Variants in DYNC2H1 observed in about 807,000 individuals in gnomAD.
DYNC2H1 encodes the protein dynein cytoplasmic 2 heavy chain 1, also known as cytoplasmic dynein 2 heavy chain 1.
A neutral mutation model predicts 570.0 loss-of-function variants in DYNC2H1; 410 were observed. That is an observed-to-expected ratio of 0.72 (90% CI 0.66 to 0.78). The LOEUF (loss-of-function observed/expected upper bound fraction) is 0.78, where lower values mean the gene tolerates loss of function less well. Ranked by LOEUF, DYNC2H1 falls within the 30% of genes least tolerant of loss-of-function variation. DYNC2H1 has a pLI of 0.00. For missense variants in DYNC2H1, 4,865 were observed against 5,046.4 expected (o/e 0.96, Z 1.09); for synonymous variants, 1,688 against 1,677.6 (o/e 1.01, Z -0.15).
At chr11:103,349,787 A>C (rs1242307823) in intron 82 of DYNC2H1, among the ~76,000 whole-genome samples, 1 of 152,094 alleles carries the variant, frequency 6.6e-6, no homozygotes, top group Non-Finnish European at 1.5e-5. Context: ...TGATGATGTG[A>C]GTTCTTAACA....
chr11:103,252,300 T>C lies in DYNC2H1; in HGVS notation c.10043-985T>C, dbSNP rs1864865684. Among the ~76,000 whole-genome samples the C allele has an allele frequency of 2.0e-5, 3 of 152,128 alleles. No individual in the cohort carries two copies. Among genetic ancestry groups the C allele is most frequent in the Admixed American group, 1.3e-4 (2 of 15,252 alleles). ...GTTTCCATGTCTTGGCTGTTGTGAA[T>C]AATGCTGTGAAGAAATGGGAGTGCA... On this transcript the variant is annotated intron_variant, in intron 65 of 88. Coordinates refer to ENST00000375735, the MANE Select transcript of DYNC2H1 (RefSeq NM_001377.3). This position sits in a 1 kb window ranked among gnomAD's most constrained non-coding sequence, Gnocchi z 4.6.
In DYNC2H1 at chr11:103,244,712, T is replaced by C. The variant is rs1864542761; in HGVS notation, c.9919-539T>C. Among the ~76,000 whole-genome samples the C allele has an allele frequency of 6.7e-6, 1 of 148,224 alleles. No homozygotes were observed. On this transcript the variant is annotated intron_variant, in intron 64 of 88. Coordinates refer to ENST00000375735, the MANE Select transcript of DYNC2H1 (RefSeq NM_001377.3). This position sits in a 1 kb window ranked among gnomAD's most constrained non-coding sequence, Gnocchi z 4.3. ...TAGTTATATACATATATCACTATAC[T>C]ATATATCTTATATACATATAAGTAT...
At chr11:103,370,833 AG>A (rs1197515383) in intron 83 of DYNC2H1, among the ~76,000 whole-genome samples, 1 of 152,148 alleles carries the variant, frequency 6.6e-6, no homozygotes, top group Non-Finnish European at 1.5e-5. Flanking sequence ...ATATCTGGAA[AG>A]CCTTTCTAAG....
At chr11:103,344,069 T>G (rs1335191963) in intron 82 of DYNC2H1, among the ~76,000 whole-genome samples, 1 of 152,242 alleles carries the variant, frequency 6.6e-6, no homozygotes, top group African/African-American at 2.4e-5. Flanking sequence ...AGATAAACAC[T>G]GTGAAACTTT....
chr11:103,280,816 G>A lies in DYNC2H1; in HGVS notation c.10761+403G>A, dbSNP rs1866100379. Among the ~76,000 whole-genome samples the A allele has an allele frequency of 6.6e-6, 1 of 152,050 alleles. No individual in the cohort carries two copies. The highest frequency in any genetic ancestry group is 2.4e-5 in the African/African-American group (1 of 41,426). Reference sequence around the variant, plus strand: ...CAAGAGGCAGCAGGTGAGGCATGAAGATGGGCAGTTCTCAGAAGTTTTCCT... The same window carrying A: ...CAAGAGGCAGCAGGTGAGGCATGAAAATGGGCAGTTCTCAGAAGTTTTCCT... On this transcript the variant is annotated intron_variant, in intron 71 of 88. Coordinates refer to ENST00000375735, the MANE Select transcript of DYNC2H1 (RefSeq NM_001377.3). This position sits in a 1 kb window ranked among gnomAD's most constrained non-coding sequence, Gnocchi z 4.7.
rs533625275 is a variant in DYNC2H1, at chr11:103,325,724, T to G, written c.12039+1734T>G. Among the ~76,000 whole-genome samples the G allele has an allele frequency of 6.6e-6, 1 of 152,314 alleles. No homozygotes were observed. Among genetic ancestry groups the G allele is most frequent in the African/African-American group, 2.4e-5 (1 of 41,572 alleles). On this transcript the variant is annotated intron_variant, in intron 82 of 88. Transcript: ENST00000375735. The surrounding 1 kb of genome is among the most constrained non-coding windows in gnomAD (Gnocchi z 4.8). The stretch of plus-strand genomic sequence containing the variant: ...AAATGCCTGTTTCATTTTTGAGCTC[T>G]TGGATTGATTTACTGGATACCTTGG...
At chr11:103,432,040 C>T (rs895909388) in intron 84 of DYNC2H1, among the ~76,000 whole-genome samples, 14 of 152,162 alleles carry the variant, frequency 9.2e-5, no homozygotes, top group African/African-American at 2.2e-4. Flanking sequence ...TCAGACCAGC[C>T]GCCGAGCACC....
In DYNC2H1 at chr11:103,219,996, A is replaced by G; in HGVS notation, c.8914A>G (p.Asn2972Asp). Residue 2972 changes from asparagine (N) to aspartate (D), a missense_variant, in exon 56 of 89, where the codon AAT (asparagine) becomes GAT (aspartate). Asn to Asp is a conservative substitution (Grantham distance 23). Coordinates refer to ENST00000375735, the MANE Select transcript of DYNC2H1 (RefSeq NM_001377.3). ...EEVVKIEERK[N>D]KIDDELKEVQ... ...AGTTGTTAAAATTGAAGAAAGAAAA[A>G]ATAAAATTGATGATGAATTAAAAGA... The G allele has an allele frequency of 6.7e-7, 1 of 1,485,074 alleles. No homozygotes were observed. The highest frequency in any genetic ancestry group is 2.7e-5 in the East Asian group (1 of 37,140). 92.0% of individuals were successfully genotyped at this position (1,485,074 alleles called of 1,614,324 possible). A position where few individuals can be genotyped will look rare whatever the true frequency, so the allele number is the denominator to read the frequency against.
chr11:103,449,641 AATT>A (rs1436201930), intron 85 of DYNC2H1, among the ~76,000 whole-genome samples: 1 of 151,326 alleles, frequency 6.6e-6, no homozygotes, highest in Non-Finnish European at 1.5e-5. Flanking sequence ...TACATGTGGT[AATT>A]ATTAAGTTTA....
intron 70 of DYNC2H1, among the ~76,000 whole-genome samples, chr11:103,267,159 C>T (rs1308233370): frequency 6.6e-6 from 1 of 152,000 alleles, no homozygotes; most frequent in Non-Finnish European, 1.5e-5. Context: ...CGGTTCAACT[C>T]ACTTAGTCCC....
chr11:103,460,196 GTACCTTGGCTAT>G (rs1329453865), intron 87 of DYNC2H1, among the ~76,000 whole-genome samples: 2 of 151,980 alleles, frequency 1.3e-5, no homozygotes, highest in Admixed American at 6.6e-5. Context: ...CTCATGAGAA[GTACCTTGGCTAT>G]TACTGGTGGG....
intron 79 of DYNC2H1, among the ~76,000 whole-genome samples, chr11:103,312,578 G>A (rs1488283097): frequency 2.1e-5 from 3 of 139,614 alleles, no homozygotes; most frequent in African/African-American, 5.3e-5. Context: ...CAATTGTAAT[G>A]TAGTATAAAT....
Position 103,199,553 on chromosome 11 carries a change from A to G in DYNC2H1, c.8088+77A>G. On this transcript the variant is annotated intron_variant, in intron 49 of 88. Coordinates refer to ENST00000375735, the MANE Select transcript of DYNC2H1 (RefSeq NM_001377.3). The surrounding 1 kb of genome is among the most constrained non-coding windows in gnomAD (Gnocchi z 4.6). ...TTACTCTAAACATCTTTAAAGACCTAAAGGTTTAAAGAACTAAAGTTTTAA... is the reference window on the plus strand; with the variant it reads ...TTACTCTAAACATCTTTAAAGACCTGAAGGTTTAAAGAACTAAAGTTTTAA... 3 of 1,332,606 alleles carry G rather than the reference A, an allele frequency of 2.3e-6. No homozygotes were observed. In the South Asian group the frequency reaches 7.0e-5, roughly 31 times the overall value. 82.5% of individuals were successfully genotyped at this position (1,332,606 alleles called of 1,614,324 possible).
intron 31 of DYNC2H1, among the ~76,000 whole-genome samples, chr11:103,168,242 CTGAGCTAGAGG>C (rs933953966): frequency 2.0e-5 from 3 of 152,162 alleles, no homozygotes; most frequent in Admixed American, 6.5e-5. Flanking sequence ...CTTCTAAAGC[CTGAGCTAGAGG>C]TGGTTTTCTA....
intron 83 of DYNC2H1, among the ~76,000 whole-genome samples, chr11:103,384,647 G>A (rs568514563): frequency 6.6e-6 from 1 of 152,130 alleles, no homozygotes; most frequent in South Asian, 2.1e-4. Context: ...GTTAAACTCA[G>A]TATATTTGCA....
chr11:103,187,420 G>C lies in DYNC2H1; in HGVS notation c.6974G>C (p.Arg2325Pro), dbSNP rs919791834. The change falls in exon 43 of 89, where the codon CGA (arginine) becomes CCA (proline). Residue 2325 changes from arginine to proline, a missense_variant. Arg to Pro is a moderately radical substitution (Grantham distance 103). Around this residue, in one of 5 missense-constraint regions of DYNC2H1, gnomAD observed 2,401 missense variants for 2,454.6 expected, o/e 0.98. Coordinates refer to ENST00000375735, the MANE Select transcript of DYNC2H1 (RefSeq NM_001377.3). ...TVHCSAQTTS[R>P]HLLQKLSQTC... Reference sequence around the variant, plus strand: ...CACTGTAGTGCACAAACCACTTCTCGACATCTCCTGCAGAAACTGAGCCAG... The same window carrying C: ...CACTGTAGTGCACAAACCACTTCTCCACATCTCCTGCAGAAACTGAGCCAG... The C allele has an allele frequency of 1.9e-6, 3 of 1,613,078 alleles. No homozygotes were observed. The highest frequency in any genetic ancestry group is 1.3e-5 in the African/African-American group (1 of 74,828).
In DYNC2H1 at chr11:103,209,153, A is replaced by T. The variant is rs1252561007; in HGVS notation, c.8455-723A>T. Among the ~76,000 whole-genome samples, 1 of 152,016 alleles carries T rather than the reference A, an allele frequency of 6.6e-6. No individual in the cohort carries two copies. Among genetic ancestry groups the T allele is most frequent in the Non-Finnish European group, 1.5e-5 (1 of 67,972 alleles). On this transcript the variant is annotated intron_variant, in intron 52 of 88. Coordinates refer to ENST00000375735, the MANE Select transcript of DYNC2H1 (RefSeq NM_001377.3). The surrounding 1 kb of genome is among the most constrained non-coding windows in gnomAD (Gnocchi z 4.2). ...ATTTAAAAAATGATTTTTTGACCTA[A>T]TTACCAAGATCACTTGTGTTTTCTT...
chr11:103,169,353 A>C (rs1343690534), intron 32 of DYNC2H1, among the ~76,000 whole-genome samples: 2 of 152,158 alleles, frequency 1.3e-5, no homozygotes, highest in Non-Finnish European at 2.9e-5. Context: ...TTTGCTAAAT[A>C]TTTTTTAGTT....
At chr11:103,416,571 T>C (rs1171222939) in intron 84 of DYNC2H1, among the ~76,000 whole-genome samples, 1 of 152,212 alleles carries the variant, frequency 6.6e-6, no homozygotes, top group East Asian at 1.9e-4. Context: ...AAGGATTTCC[T>C]TTTTAATAAA....
Sources: gnomAD v4.1 joint callset for allele counts (sites outside exome capture counted in the v4.1 genomes callset) on GRCh38, gnomAD v4.1.1 for gene constraint, gnomAD v4.1.1 regional missense constraint, Gnocchi (gnomAD v3.1) non-coding constraint, MANE v1.5 for transcripts, NCBI Gene and HGNC (gene_info 2026-07-23, HGNC 2026-07-21) for gene names.